The following NHSL1 variants were observed in gnomAD, a reference collection of about 807,000 sequenced individuals.
NHSL1 encodes the protein NHS-like protein 1.
In NHSL1, 48 loss-of-function variants were observed where a neutral mutation model predicts 95.0. That is an observed-to-expected ratio of 0.51 (90% CI 0.40 to 0.64). The LOEUF is 0.64. Among genes scored for constraint, NHSL1 ranks in the 30% least tolerant of loss-of-function variants. The pLI, the probability that NHSL1 is intolerant of heterozygous loss-of-function variation, is 0.00. For synonymous variants in NHSL1, 783 were observed against 833.9 expected, an observed-to-expected ratio of 0.94 and a Z score of 1.05; for missense variants, 1,971 against 2,077.7, an observed-to-expected ratio of 0.95 and a Z score of 1.00.
At chr6:138,659,209 C>G (rs1785194934) in intron 1 of NHSL1, among the ~76,000 whole-genome samples, 1 of 151,918 alleles carries the variant, frequency 6.6e-6, no homozygotes, top group Non-Finnish European at 1.5e-5. Context: ...ACCACCACAT[C>G]CGGCTAATTT....
At chr6:138,573,602 C>G (rs1783913570), upstream of NHSL1, among the ~76,000 whole-genome samples, 1 of 152,122 alleles carries the variant, frequency 6.6e-6, no homozygotes, top group African/African-American at 2.4e-5. Flanking sequence ...CAAAGTGTTA[C>G]TAAGATAGGC....
chr6:138,612,633 A>G (rs565641514), intron 1 of NHSL1, among the ~76,000 whole-genome samples: 33 of 152,222 alleles, frequency 2.2e-4, no homozygotes, highest in Non-Finnish European at 3.4e-4. Context: ...AAGAATTGTA[A>G]TATTTGAATG....
intron 1 of NHSL1, among the ~76,000 whole-genome samples, chr6:138,642,719 G>C (rs1784973165): frequency 6.6e-6 from 1 of 152,088 alleles, no homozygotes; most frequent in South Asian, 2.1e-4. Flanking sequence ...ACAATGTAAA[G>C]ACTAGAACAG....
intron 1 of NHSL1, among the ~76,000 whole-genome samples, chr6:138,506,764 T>G (rs976075690): frequency 3.3e-5 from 5 of 152,170 alleles, no homozygotes; most frequent in African/African-American, 1.2e-4. Context: ...ACAGTTGACA[T>G]TATTAAAGGA....
At chr6:138,518,204 C>T (rs1008789765) in intron 1 of NHSL1, among the ~76,000 whole-genome samples, 3 of 152,150 alleles carry the variant, frequency 2.0e-5, no homozygotes, top group African/African-American at 7.2e-5. Context: ...ATTAATACAT[C>T]TGAACTTCCT....
intron 1 of NHSL1, among the ~76,000 whole-genome samples, chr6:138,611,248 C>T (rs540561819): frequency 2.1e-4 from 32 of 152,262 alleles, no homozygotes; most frequent in African/African-American, 6.7e-4. Flanking sequence ...CAACAGGCAG[C>T]ATTTTAATAG....
At chr6:138,573,857 A>T (rs985537674), upstream of NHSL1, among the ~76,000 whole-genome samples, 2 of 152,202 alleles carry the variant, frequency 1.3e-5, no homozygotes, top group Non-Finnish European at 2.9e-5. Flanking sequence ...CACACTTACC[A>T]GGGATGCTTG....
chr6:138,581,417 C>T (rs917443025), intron 1 of NHSL1, among the ~76,000 whole-genome samples: 17 of 152,004 alleles, frequency 1.1e-4, no homozygotes, highest in African/African-American at 3.1e-4. Context: ...CAGGCCTGAG[C>T]GCGGTGGCTC....
chr6:138,461,149 A>ATTC (rs1777969514), intron 3 of NHSL1, among the ~76,000 whole-genome samples: 1 of 150,916 alleles, frequency 6.6e-6, no homozygotes, highest in Non-Finnish European at 1.5e-5. Context: ...ACTATGAAAG[A>ATTC]AGGAAGTTTT....
Position 138,599,216 on chromosome 6 carries a change from A to G in NHSL1, c.96+93260T>C, listed in dbSNP as rs1223393585. 2.0e-5 allele frequency among the ~76,000 whole-genome samples: 3 copies of G among 152,376 alleles called. No individual in the cohort carries two copies. In the East Asian group the frequency reaches 5.8e-4, roughly 29 times the overall value. On this transcript the variant is annotated intron_variant, in intron 1 of 3. Transcript: ENST00000491526. The stretch of plus-strand genomic sequence containing the variant: ...AGTGTTTTATGGTAACCAGTACAAT[A>G]TAAAAAAATGTAAGGCCAGGCGCAG...
chr6:138,478,269 C>T (rs1583266284), intron 2 of NHSL1, among the ~76,000 whole-genome samples: 1 of 151,850 alleles, frequency 6.6e-6, no homozygotes, highest in East Asian at 1.9e-4. Context: ...GTGTGAACCA[C>T]CGCGCTGGCC....
intron 1 of NHSL1, among the ~76,000 whole-genome samples, chr6:138,511,429 AGAGT>A (rs1202529197): frequency 6.6e-6 from 1 of 151,446 alleles, no homozygotes; most frequent in Non-Finnish European, 1.5e-5. Flanking sequence ...TGTGTGAGAG[AGAGT>A]GTGTATGTGT....
At chr6:138,503,533 A>ATTTGTT (rs1192820891), upstream of NHSL1, among the ~76,000 whole-genome samples, 10 of 152,186 alleles carry the variant, frequency 6.6e-5, no homozygotes, top group Non-Finnish European at 1.3e-4. Context: ...GAACACCACC[A>ATTTGTT]CACCCATTTG....
rs1204842082 is a variant in NHSL1 at position 138,424,858 on chromosome 6, G to C, written c.4086-42C>G. 1 of 1,496,044 alleles carries C rather than the reference G, an allele frequency of 6.7e-7. No individual in the cohort carries two copies. The highest frequency in any genetic ancestry group is 9.0e-7 in the Non-Finnish European group (1 of 1,109,734). 92.7% of individuals were successfully genotyped at this position (1,496,044 alleles called of 1,614,324 possible). A position where few individuals can be genotyped will look rare whatever the true frequency, so the allele number is the denominator to read the frequency against. ...TTAAGAAAAAGGTTAATTCCCACGG[G>C]ACCACAGGCTGTCAGCCACAACCAC... is the stretch of plus-strand genomic sequence containing the variant. On this transcript the variant is annotated intron_variant, in intron 7 of 7. Transcript: ENST00000343505. The surrounding 1 kb of genome is among the most constrained non-coding windows in gnomAD (Gnocchi z 5.9).
At chr6:138,556,865 C>T (rs558872124) in intron 1 of NHSL1, among the ~76,000 whole-genome samples, 3 of 152,118 alleles carry the variant, frequency 2.0e-5, no homozygotes, top group Admixed American at 6.6e-5. Context: ...CAAACAAGAA[C>T]ATGAAATAGA....
chr6:138,639,071 T>C (rs534052161), intron 1 of NHSL1, among the ~76,000 whole-genome samples: 2 of 152,320 alleles, frequency 1.3e-5, no homozygotes, highest in African/African-American at 4.8e-5. Flanking sequence ...TACATCAGAA[T>C]TACTTGATTT....
At chr6:138,460,796 T>C (rs1777945128) in intron 3 of NHSL1, among the ~76,000 whole-genome samples, 2 of 151,508 alleles carry the variant, frequency 1.3e-5, no homozygotes, top group Admixed American at 1.3e-4. Flanking sequence ...ATTCCTTCAC[T>C]TAGCACTGCC....
At chr6:138,654,872 A>G (rs1447813663) in intron 1 of NHSL1, among the ~76,000 whole-genome samples, 1 of 152,238 alleles carries the variant, frequency 6.6e-6, no homozygotes, top group Non-Finnish European at 1.5e-5. Context: ...ATTATGTGAA[A>G]AGAAACCACC....
chr6:138,569,624 G>A (rs1251432708), intron 1 of NHSL1, among the ~76,000 whole-genome samples: 1 of 152,122 alleles, frequency 6.6e-6, no homozygotes, highest in Non-Finnish European at 1.5e-5. Flanking sequence ...TTTTCTTGAA[G>A]ACTTTTCCTC....
Sources: allele counts gnomAD v4.1 joint callset (sites outside exome capture counted in the v4.1 genomes callset), GRCh38; gene constraint gnomAD v4.1.1; non-coding constraint Gnocchi (gnomAD v3.1); transcripts MANE v1.5; gene names NCBI Gene and HGNC (gene_info 2026-07-23, HGNC 2026-07-21).